Variants in CCDC171 observed in about 807,000 individuals in gnomAD.
CCDC171 encodes the protein coiled-coil domain-containing protein 171.
Under a neutral mutation model 168.2 loss-of-function variants are expected in CCDC171, and 177 were observed. The observed-to-expected ratio is 1.05, with a 90% confidence interval of 0.93 to 1.19. The LOEUF (loss-of-function observed/expected upper bound fraction) is 1.19, where lower values mean the gene tolerates loss of function less well. Ranked by LOEUF, CCDC171 falls within the 50% of genes most tolerant of loss-of-function variation. The probability of loss-of-function intolerance (pLI) is 0.00; values close to 1 mark genes in which losing one functional copy is unlikely to be tolerated. For missense variants in CCDC171, 1,991 were observed against 1,539.0 expected (o/e 1.29, Z -4.91); for synonymous variants, 687 against 540.8 (o/e 1.27, Z -3.75).
chr9:15,627,208 T>G (rs2045218807), intron 7 of CCDC171, among the ~76,000 whole-genome samples: 1 of 152,168 alleles, frequency 6.6e-6, no homozygotes, highest in African/African-American at 2.4e-5. Flanking sequence ...CTTCTCTCTT[T>G]TCTTCTTTAT....
Position 15,830,968 on chromosome 9 carries a change from ATTT to A in CCDC171, c.3268-15717_3268-15715del, listed in dbSNP as rs71325936. On this transcript the variant is annotated intron_variant, in intron 21 of 25. Transcript: ENST00000380701. ...CCTCTTTTCTTATGGCCATATCTTA[ATTT>A]TTTTTTTTTTTTTTTTGAGATGGAT... is the stretch of plus-strand genomic sequence containing the variant. Among the ~76,000 whole-genome samples, 100 of 122,998 alleles carry A rather than the reference ATTT, an allele frequency of 8.1e-4. 1 individual carries two copies. The highest frequency in any genetic ancestry group is 2.8e-3 in the African/African-American group (90 of 31,978). 80.7% of individuals were successfully genotyped at this position (122,998 alleles called of 152,430 possible).
intron 25 of CCDC171, among the ~76,000 whole-genome samples, chr9:15,933,190 G>C (rs906317264): frequency 1.3e-5 from 2 of 151,884 alleles, no homozygotes; most frequent in Non-Finnish European, 2.9e-5. Flanking sequence ...TTGAATGTTA[G>C]ATAGATTTCA....
Position 15,846,726 on chromosome 9 carries a change from C to A in CCDC171, c.3292C>A (p.Leu1098Met). 2 of 1,613,060 alleles carry A rather than the reference C, an allele frequency of 1.2e-6. No homozygotes were observed. Among genetic ancestry groups the A allele is most frequent in the Non-Finnish European group, 1.7e-6 (2 of 1,179,460 alleles). ...GAGTCTCTCCGAGGCAAAGATGGAG[C>A]TGAGAAGAAAAGATCAATCTCTGCG... ...VKSLSEAKME[L>M]RRKDQSLRQL... The change falls in exon 22 of 26, where the codon CTG (leucine) becomes ATG (methionine). Residue 1098 changes from leucine (L) to methionine (M), a missense_variant. Coordinates refer to ENST00000380701, the MANE Select transcript of CCDC171 (RefSeq NM_173550.4).
chr9:15,956,978 C>T (rs1019508757), intron 25 of CCDC171, among the ~76,000 whole-genome samples: 2 of 150,472 alleles, frequency 1.3e-5, no homozygotes, highest in Non-Finnish European at 2.9e-5. Context: ...TCTTTTCTCT[C>T]AGTAGGGCCG....
At chr9:15,641,150 T>A (rs978091271) in intron 7 of CCDC171, among the ~76,000 whole-genome samples, 1 of 152,176 alleles carries the variant, frequency 6.6e-6, no homozygotes, top group Non-Finnish European at 1.5e-5. Context: ...AATTATCAGG[T>A]GATAAAATCT....
chr9:15,729,638 A>T lies in CCDC171; in HGVS notation c.1889A>T (p.Asn630Ile). ...KIRHLEYICK[N>I]KSDTMRELQQ... is the part of the protein sequence containing the mutation. ...AGGCATCTAGAGTATATCTGTAAAAACAAGTCTGACACGATGAGAGAGCTT... is the reference window on the plus strand; with the variant it reads ...AGGCATCTAGAGTATATCTGTAAAATCAAGTCTGACACGATGAGAGAGCTT... Residue 630 changes from asparagine (N) to isoleucine (I), a missense_variant, in exon 16 of 26, where the codon AAC becomes ATC. Transcript: ENST00000380701. 1 of 1,612,814 alleles carries T rather than the reference A, an allele frequency of 6.2e-7. No homozygotes were observed. The highest frequency in any genetic ancestry group is 2.2e-5 in the East Asian group (1 of 44,860).
intron 24 of CCDC171, 71 bp downstream of exon 24, chr9:15,874,734 G>A: frequency 2.2e-6 from 3 of 1,367,590 alleles, no homozygotes; most frequent in Non-Finnish European, 2.9e-6. Context: ...TGGAGAGAAT[G>A]AAAGCCTCAA....
intron 7 of CCDC171, among the ~76,000 whole-genome samples, chr9:15,628,464 C>T (rs572750649): frequency 9.9e-5 from 15 of 152,278 alleles, no homozygotes; most frequent in Admixed American, 2.6e-4. Context: ...AAGGCGGCAG[C>T]GAGGCTAGGG....
intron 1 of CCDC171, among the ~76,000 whole-genome samples, chr9:16,053,697 C>CTGCA (rs1378777323): frequency 7.2e-5 from 11 of 152,356 alleles, no homozygotes; most frequent in African/African-American, 2.4e-4. Context: ...TCACCAAAGG[C>CTGCA]TGCAGTGTGG....
At chr9:15,764,017 G>A (rs2056591490) in intron 18 of CCDC171, among the ~76,000 whole-genome samples, 1 of 152,172 alleles carries the variant, frequency 6.6e-6, no homozygotes, top group South Asian at 2.1e-4. Flanking sequence ...GGTGGTAGTT[G>A]GGGAAAGGAC....
chr9:15,574,644 A>G (rs897078192), intron 3 of CCDC171, among the ~76,000 whole-genome samples: 3 of 152,226 alleles, frequency 2.0e-5, no homozygotes, highest in Non-Finnish European at 1.5e-5. Flanking sequence ...TTTTAGCCAT[A>G]TAATCTCCAA....
intron 5 of CCDC171, among the ~76,000 whole-genome samples, chr9:15,592,282 T>C (rs567544628): frequency 2.0e-5 from 3 of 151,908 alleles, no homozygotes; most frequent in Non-Finnish European, 2.9e-5. Flanking sequence ...TATACCATGA[T>C]TGGGCCTATG....
intron 24 of CCDC171, among the ~76,000 whole-genome samples, chr9:15,896,149 A>G (rs968301056): frequency 6.6e-6 from 1 of 152,020 alleles, no homozygotes; most frequent in Non-Finnish European, 1.5e-5. Context: ...CCATCAATCT[A>G]GAAGCTGCAT....
At chr9:15,830,483 A>G (rs2060184554) in intron 21 of CCDC171, among the ~76,000 whole-genome samples, 1 of 152,208 alleles carries the variant, frequency 6.6e-6, no homozygotes, top group Non-Finnish European at 1.5e-5. Context: ...ACAAAACCCT[A>G]TAACAGCTGC....
At chr9:15,713,004 G>A (rs2052791301) in intron 11 of CCDC171, among the ~76,000 whole-genome samples, 1 of 152,172 alleles carries the variant, frequency 6.6e-6, no homozygotes, top group Non-Finnish European at 1.5e-5. Context: ...CCCATTTGAA[G>A]AAGTCTGTCC....
intron 25 of CCDC171, among the ~76,000 whole-genome samples, chr9:15,970,946 T>C (rs1831303063): frequency 6.6e-6 from 1 of 152,134 alleles, no homozygotes; most frequent in Non-Finnish European, 1.5e-5. Flanking sequence ...CGTACCTCAG[T>C]GACTTAAATC....
At chr9:15,825,269 C>G (rs558388322) in intron 21 of CCDC171, among the ~76,000 whole-genome samples, 2 of 152,160 alleles carry the variant, frequency 1.3e-5, no homozygotes, top group Admixed American at 1.3e-4. Flanking sequence ...AGACAAGGAG[C>G]AGGTGAGATC....
intron 23 of CCDC171, among the ~76,000 whole-genome samples, chr9:15,865,951 T>C (rs1410362373): frequency 1.3e-5 from 2 of 151,842 alleles, no homozygotes; most frequent in Non-Finnish European, 2.9e-5. Flanking sequence ...TGGAGTTTCT[T>C]AGAAGAAAAC....
At chr9:15,562,255 A>G (rs1356508654) in intron 1 of CCDC171, among the ~76,000 whole-genome samples, 1 of 151,964 alleles carries the variant, frequency 6.6e-6, no homozygotes, top group Non-Finnish European at 1.5e-5. Flanking sequence ...CGGCCTCCCT[A>G]AGTGCTGGGA....
Sources: allele counts gnomAD v4.1 joint callset (sites outside exome capture counted in the v4.1 genomes callset), GRCh38; gene constraint gnomAD v4.1.1; transcripts MANE v1.5; gene names NCBI Gene and HGNC (gene_info 2026-07-23, HGNC 2026-07-21).